Variants in GALNT17 observed in about 807,000 individuals in gnomAD.
The protein encoded by GALNT17 is UDP-GalNAc:polypeptide N-acetylgalactosaminyltransferase-like 3.
Under a neutral mutation model 63.7 loss-of-function variants are expected in GALNT17, and 29 were observed. The observed-to-expected ratio is 0.46, with a 90% CI of 0.34 to 0.62. GALNT17 has a LOEUF of 0.62. GALNT17 is among the 20% of genes least tolerant of loss of function. The probability of loss-of-function intolerance (pLI) is 0.01; values close to 1 mark genes in which losing one functional copy is unlikely to be tolerated. For synonymous variants in GALNT17, 305 were observed against 318.3 expected (o/e 0.96, Z 0.45); for missense variants, 603 against 799.6 (o/e 0.75, Z 2.97).
chr7:71,662,384 C>T (rs137945019), intron 6 of GALNT17, among the ~76,000 whole-genome samples: 1 of 152,008 alleles, frequency 6.6e-6, no homozygotes, highest in Non-Finnish European at 1.5e-5. Flanking sequence ...TTTATAATGG[C>T]TTTGTAGATA....
chr7:71,294,829 A>G (rs1282939434), intron 1 of GALNT17, among the ~76,000 whole-genome samples: 1 of 152,180 alleles, frequency 6.6e-6, no homozygotes. Context: ...AAAGATGTAA[A>G]ACTGGAAAAG....
intron 1 of GALNT17, among the ~76,000 whole-genome samples, chr7:71,240,239 T>C (rs529704190): frequency 6.5e-4 from 99 of 152,354 alleles, no homozygotes; most frequent in Non-Finnish European, 1.3e-3. Context: ...AGATGAGATA[T>C]AATCTCAGAT....
At chr7:71,653,622 G>C (rs1203792710) in intron 6 of GALNT17, among the ~76,000 whole-genome samples, 1 of 151,710 alleles carries the variant, frequency 6.6e-6, no homozygotes, top group Non-Finnish European at 1.5e-5. Context: ...GGCCAGGCTG[G>C]TCTCGAACTC....
At chr7:71,515,918 A>G (rs1376449681) in intron 5 of GALNT17, among the ~76,000 whole-genome samples, 6 of 152,148 alleles carry the variant, frequency 3.9e-5, no homozygotes, top group African/African-American at 1.4e-4. Flanking sequence ...AAGGGAAGGT[A>G]GGTAGTGAGA....
chr7:71,683,433 G>A (rs1017999391), intron 9 of GALNT17, among the ~76,000 whole-genome samples: 2 of 152,170 alleles, frequency 1.3e-5, no homozygotes, highest in Non-Finnish European at 2.9e-5. Context: ...CCTGTAACCA[G>A]GCGGCTCTCA....
chr7:71,276,380 C>A (rs143563600), intron 1 of GALNT17, among the ~76,000 whole-genome samples: 10 of 152,306 alleles, frequency 6.6e-5, no homozygotes, highest in African/African-American at 2.4e-4. Context: ...GTGCCATTCA[C>A]AATAGCAAAG....
At chr7:71,217,196 G>A (rs1452166501) in intron 1 of GALNT17, among the ~76,000 whole-genome samples, 1 of 142,972 alleles carries the variant, frequency 7.0e-6, no homozygotes, top group Non-Finnish European at 1.5e-5. Flanking sequence ...GGCCCAGGCT[G>A]GTCTTGAACT....
At chr7:71,524,231 T>TTA (rs1386042572) in intron 5 of GALNT17, among the ~76,000 whole-genome samples, 1 of 147,604 alleles carries the variant, frequency 6.8e-6, no homozygotes, top group Non-Finnish European at 1.5e-5. Flanking sequence ...TTATATTATA[T>TTA]TATATATATA....
chr7:71,500,657 A>G (rs1788166090), intron 5 of GALNT17, among the ~76,000 whole-genome samples: 1 of 152,172 alleles, frequency 6.6e-6, no homozygotes. Context: ...CTTTGCTGGC[A>G]TCAGAACCTG....
intron 5 of GALNT17, among the ~76,000 whole-genome samples, chr7:71,444,056 G>A (rs1224691148): frequency 6.6e-6 from 1 of 152,162 alleles, no homozygotes; most frequent in African/African-American, 2.4e-5. Context: ...AACACAAAAT[G>A]GACTAAGACA....
At chr7:71,395,873 A>AT (rs1793129364) in intron 3 of GALNT17, among the ~76,000 whole-genome samples, 1 of 152,038 alleles carries the variant, frequency 6.6e-6, no homozygotes, top group African/African-American at 2.4e-5. Flanking sequence ...TCATGTGCTT[A>AT]TTTTTCATTA....
chr7:71,361,445 C>T (rs577419832), intron 2 of GALNT17, among the ~76,000 whole-genome samples: 1 of 152,254 alleles, frequency 6.6e-6, no homozygotes, highest in South Asian at 2.1e-4. Flanking sequence ...TTCGATATTC[C>T]TCTCTGTTCT....
chr7:71,706,366 G>C (rs913115310), intron 9 of GALNT17, among the ~76,000 whole-genome samples: 6 of 152,176 alleles, frequency 3.9e-5, no homozygotes, highest in Non-Finnish European at 5.9e-5. Flanking sequence ...ACCTCAGAAA[G>C]GAGAACCTCT....
At chr7:71,560,497 G>A (rs1374249572) in intron 5 of GALNT17, among the ~76,000 whole-genome samples, 23 of 152,314 alleles carry the variant, frequency 1.5e-4, no homozygotes, top group Admixed American at 7.8e-4. Flanking sequence ...AGTGTCTCCC[G>A]TGGGAAAGTG....
intron 1 of GALNT17, among the ~76,000 whole-genome samples, chr7:71,263,563 C>T (rs1478652153): frequency 6.6e-6 from 1 of 152,124 alleles, no homozygotes; most frequent in East Asian, 1.9e-4. Flanking sequence ...CTTGGGTTTT[C>T]CTTGCCTCTG....
intron 6 of GALNT17, among the ~76,000 whole-genome samples, chr7:71,583,750 CACACA>C (rs1281291940): frequency 0.37 from 2,822 of 7,724 alleles, 88 homozygotes; most frequent in Admixed American, 0.38. Flanking sequence ...CACACACACA[CACACA>C]CACACCACAC....
chr7:71,234,417 C>T (rs551100244), intron 1 of GALNT17, among the ~76,000 whole-genome samples: 16 of 152,248 alleles, frequency 1.1e-4, no homozygotes, highest in Non-Finnish European at 2.2e-4. Context: ...TCTGCCACCA[C>T]ACCCAGCTAA....
chr7:71,607,279 GT>G (rs1266245799), intron 6 of GALNT17, among the ~76,000 whole-genome samples: 1 of 152,190 alleles, frequency 6.6e-6, no homozygotes, highest in Non-Finnish European at 1.5e-5. Context: ...TTCATCATCA[GT>G]TCACTAAAGA....
intron 5 of GALNT17, among the ~76,000 whole-genome samples, chr7:71,542,405 C>G (rs1024367860): frequency 6.6e-6 from 1 of 151,930 alleles, no homozygotes; most frequent in African/African-American, 2.4e-5. Context: ...AGAAGTCACT[C>G]TTCACTAAAA....
Sources: gnomAD v4.1 joint callset for allele counts (sites outside exome capture counted in the v4.1 genomes callset) on GRCh38, gnomAD v4.1.1 for gene constraint, MANE v1.5 for transcripts, NCBI Gene and HGNC (gene_info 2026-07-23, HGNC 2026-07-21) for gene names.